The following MGAT4C variants were observed in gnomAD, a reference collection of about 807,000 sequenced individuals.
The protein encoded by MGAT4C is alpha-1,3-mannosyl-glycoprotein 4-beta-N-acetylglucosaminyltransferase C.
In MGAT4C, 19 loss-of-function variants were observed where a neutral mutation model predicts 40.1. The observed-to-expected ratio is 0.47, with a 90% CI of 0.33 to 0.70. The LOEUF is 0.70. Ranked by LOEUF, MGAT4C falls within the 30% of genes least tolerant of loss-of-function variation. The probability of loss-of-function intolerance (pLI) is 0.02; values close to 1 mark genes in which losing one functional copy is unlikely to be tolerated. For synonymous variants in MGAT4C, 181 were observed against 187.1 expected, an observed-to-expected ratio of 0.97 and a Z score of 0.27; for missense variants, 491 against 563.2, an observed-to-expected ratio of 0.87 and a Z score of 1.30.
In MGAT4C at chr12:86,038,013, A is replaced by C. The variant is rs140268627; in HGVS notation, c.-7+11661T>G. Among the ~76,000 whole-genome samples, 4 of 149,628 alleles carry C rather than the reference A, an allele frequency of 2.7e-5. 1 individual carries two copies. The highest frequency in any genetic ancestry group is 4.5e-5 in the Non-Finnish European group (3 of 66,740). The stretch of plus-strand genomic sequence containing the variant: ...GGAATGGGAAATGACAGTTTGAGAG[A>C]GAATGTGGGTCCAGGGGGCCAATGC... On this transcript the variant is annotated intron_variant, in intron 2 of 4. Coordinates refer to ENST00000611864, the MANE Select transcript of MGAT4C (RefSeq NM_001351288.2).
chr12:86,687,715 T>C (rs527838122), intron 2 of MGAT4C, among the ~76,000 whole-genome samples: 16 of 152,316 alleles, frequency 1.1e-4, no homozygotes, highest in Non-Finnish European at 1.6e-4. Context: ...TTATGATTTC[T>C]GTTCTTTTGC....
At chr12:86,635,021 C>T (rs1055481686) in intron 2 of MGAT4C, among the ~76,000 whole-genome samples, 4 of 152,114 alleles carry the variant, frequency 2.6e-5, no homozygotes, top group African/African-American at 4.8e-5. Flanking sequence ...GTAGCTCTTA[C>T]GTCTTACTGA....
intron 1 of MGAT4C, among the ~76,000 whole-genome samples, chr12:86,126,836 C>A (rs1284707352): frequency 6.6e-6 from 1 of 152,166 alleles, no homozygotes; most frequent in African/African-American, 2.4e-5. Flanking sequence ...CTTTTTGGCA[C>A]CTGGGACCGG....
chr12:86,138,963 A>T (rs1882434962), intron 1 of MGAT4C, among the ~76,000 whole-genome samples: 1 of 152,118 alleles, frequency 6.6e-6, no homozygotes, highest in Non-Finnish European at 1.5e-5. Context: ...CAGCTGGAAG[A>T]TCACGTGTGA....
intron 3 of MGAT4C, among the ~76,000 whole-genome samples, chr12:86,358,587 C>A (rs1274297788): frequency 2.0e-5 from 3 of 152,140 alleles, no homozygotes; most frequent in Non-Finnish European, 4.4e-5. Context: ...AGGCCCATCT[C>A]ATGTGCAGAG....
intron 2 of MGAT4C, among the ~76,000 whole-genome samples, chr12:86,033,871 T>A (rs148091727): frequency 6.7e-6 from 1 of 149,936 alleles, no homozygotes; most frequent in African/African-American, 2.4e-5. Context: ...CATTATGATG[T>A]TGGCTGTGGG....
intron 2 of MGAT4C, among the ~76,000 whole-genome samples, chr12:86,683,378 T>C (rs980382789): frequency 1.3e-5 from 2 of 152,158 alleles, no homozygotes; most frequent in Admixed American, 1.3e-4. Context: ...AGTCAAAACT[T>C]CTGAACTTTA....
chr12:86,703,873 C>T (rs530821177), intron 2 of MGAT4C, among the ~76,000 whole-genome samples: 2 of 152,008 alleles, frequency 1.3e-5, no homozygotes, highest in Non-Finnish European at 1.5e-5. Context: ...CTTAAATATT[C>T]GGAATCTATC....
intron 1 of MGAT4C, among the ~76,000 whole-genome samples, chr12:86,837,645 A>G (rs1953063745): frequency 6.6e-6 from 1 of 151,844 alleles, no homozygotes; most frequent in Non-Finnish European, 1.5e-5. Flanking sequence ...AACACAGAAA[A>G]ACAGCAACAA....
At chr12:86,082,524 G>A (rs1273827437) in intron 1 of MGAT4C, among the ~76,000 whole-genome samples, 1 of 152,062 alleles carries the variant, frequency 6.6e-6, no homozygotes, top group African/African-American at 2.4e-5. Context: ...GAGATTTAGT[G>A]CAACACAGAT....
At chr12:86,494,191 CAT>C (rs1221552349) in intron 2 of MGAT4C, among the ~76,000 whole-genome samples, 1 of 151,738 alleles carries the variant, frequency 6.6e-6, no homozygotes, top group Non-Finnish European at 1.5e-5. Context: ...TGCAATTTTC[CAT>C]TCTTGAATAT....
chr12:86,641,376 G>T (rs957937874), intron 2 of MGAT4C, among the ~76,000 whole-genome samples: 4 of 151,634 alleles, frequency 2.6e-5, no homozygotes, highest in African/African-American at 9.7e-5. Context: ...TTGTGGGGTG[G>T]GGGGAGAGGG....
intron 3 of MGAT4C, 108 bp from the exon 4 acceptor site, chr12:85,983,778 C>T (rs1884899509): frequency 2.3e-6 from 2 of 878,250 alleles, no homozygotes; most frequent in South Asian, 2.4e-5. Flanking sequence ...ATATAGTATG[C>T]AGGGTTATAT....
chr12:86,270,345 T>G (rs964266352), intron 4 of MGAT4C, among the ~76,000 whole-genome samples: 1 of 152,132 alleles, frequency 6.6e-6, no homozygotes, highest in Non-Finnish European at 1.5e-5. Context: ...CCTCCCAAAG[T>G]GCTGGGATTA....
At chr12:86,369,160 TAA>T (rs1955669747) in intron 3 of MGAT4C, among the ~76,000 whole-genome samples, 1 of 152,010 alleles carries the variant, frequency 6.6e-6, no homozygotes, top group Non-Finnish European at 1.5e-5. Context: ...TTGTCTGATA[TAA>T]GTTTAGCCAT....
At chr12:86,773,705 C>G (rs1174996142) in intron 1 of MGAT4C, among the ~76,000 whole-genome samples, 2 of 151,720 alleles carry the variant, frequency 1.3e-5, no homozygotes, top group Non-Finnish European at 2.9e-5. Flanking sequence ...ATTTATAAGA[C>G]AAGTGATATA....
chr12:86,547,831 CA>C (rs1959206040), intron 2 of MGAT4C, among the ~76,000 whole-genome samples: 1 of 152,160 alleles, frequency 6.6e-6, no homozygotes, highest in South Asian at 2.1e-4. Context: ...TGTGAAGATG[CA>C]AAATTTCTGG....
intron 3 of MGAT4C, among the ~76,000 whole-genome samples, chr12:86,390,483 G>C (rs1419843210): frequency 1.3e-5 from 2 of 151,980 alleles, no homozygotes; most frequent in Admixed American, 1.3e-4. Context: ...TACTTTATAT[G>C]ATATTTAAAA....
rs199747254 is a variant in MGAT4C at position 86,408,428 on chromosome 12, A to G, written c.-120+26729T>C. Among the ~76,000 whole-genome samples, 16 of 133,776 alleles carry G rather than the reference A, an allele frequency of 1.2e-4. No homozygotes were observed. In the East Asian group the frequency reaches 2.2e-3, roughly 18 times the overall value. 87.8% of individuals were successfully genotyped at this position (133,776 alleles called of 152,430 possible). A position where few individuals can be genotyped will look rare whatever the true frequency, so the allele number is the denominator to read the frequency against. On this transcript the variant is annotated intron_variant, in intron 3 of 7. Transcript: ENST00000548651. ...TTCTTATCATTTATATAACTGGAAT[A>G]AATTGTTATTACATAGTAAACTCTC...
Sources: gnomAD v4.1 joint callset for allele counts (sites outside exome capture counted in the v4.1 genomes callset) on GRCh38, gnomAD v4.1.1 for gene constraint, MANE v1.5 for transcripts, NCBI Gene and HGNC (gene_info 2026-07-23, HGNC 2026-07-21) for gene names.